The following PPARGC1B variants were observed in gnomAD, a reference collection of about 807,000 sequenced individuals.
PPARGC1B encodes peroxisome proliferator-activated receptor gamma coactivator 1-beta.
A neutral mutation model predicts 101.6 loss-of-function variants in PPARGC1B; 34 were observed. The ratio of observed to expected loss-of-function variants is 0.33; its 90% CI spans 0.25 to 0.45. The LOEUF (loss-of-function observed/expected upper bound fraction) is 0.45. Among genes scored for constraint, PPARGC1B ranks in the 20% least tolerant of loss-of-function variants. The pLI, the probability that PPARGC1B is intolerant of heterozygous loss-of-function variation, is 1.00. For synonymous variants in PPARGC1B, 548 were observed against 539.3 expected (o/e 1.02, Z -0.22); for missense variants, 1,234 against 1,317.6 (o/e 0.94, Z 0.98).
intron 3 of PPARGC1B, among the ~76,000 whole-genome samples, chr5:149,830,056 A>AAAAAAAAAAAAAAC (rs1758707514): frequency 3.4e-5 from 2 of 58,564 alleles, no homozygotes; most frequent in Non-Finnish European, 2.9e-5. Context: ...AAAAAAAAAG[A>AAAAAAAAAAAAAAC]AAAAAAAAAA....
rs951349599 is a variant in PPARGC1B, at chr5:149,748,772, G to A, written c.78+18352G>A. The stretch of plus-strand genomic sequence containing the variant: ...GAGGGGAGGCTCTGAGCTGACTGGA[G>A]GACTCCCCATGGGGGTGAGGAACAG... On this transcript the variant is annotated intron_variant, in intron 1 of 11. Coordinates refer to ENST00000309241, the MANE Select transcript of PPARGC1B (RefSeq NM_133263.4). 3.3e-5 allele frequency among the ~76,000 whole-genome samples: 5 copies of A among 152,188 alleles called. No homozygotes were observed. In the South Asian group the frequency reaches 6.2e-4, roughly 19 times the overall value.
chr5:149,730,484 A>G lies in PPARGC1B; in HGVS notation c.78+64A>G. The G allele has an allele frequency of 1.5e-6, 2 of 1,335,674 alleles. No homozygotes were observed. Among genetic ancestry groups the G allele is most frequent in the East Asian group, 3.0e-5 (1 of 32,948 alleles). 82.7% of individuals were successfully genotyped at this position (1,335,674 alleles called of 1,614,324 possible). On this transcript the variant is annotated intron_variant, in intron 1 of 11. Transcript: ENST00000309241. This position sits in a 1 kb window ranked among gnomAD's most constrained non-coding sequence, Gnocchi z 4.0. Reference sequence around the variant, plus strand: ...GCTGAGCTGCGGGGGCCGCAGCTGCAGCCGCGGAGGCCGGGAGGCAGCGGT... The same window carrying G: ...GCTGAGCTGCGGGGGCCGCAGCTGCGGCCGCGGAGGCCGGGAGGCAGCGGT...
At chr5:149,732,197 C>A (rs116551126) in intron 1 of PPARGC1B, among the ~76,000 whole-genome samples, 1,534 of 152,306 alleles carry the variant, frequency 0.01, 24 homozygotes, top group African/African-American at 0.036. Context: ...GAAGGCAGGT[C>A]CCAGCCTCAG....
At position 149,837,935 on chromosome 5, in the gene PPARGC1B, C is replaced by T. The variant is rs1483308748; in HGVS notation, c.2618+862C>T. Among the ~76,000 whole-genome samples the T allele has an allele frequency of 1.3e-5, 2 of 152,014 alleles. No individual in the cohort carries two copies. The highest frequency in any genetic ancestry group is 1.9e-4 in the East Asian group (1 of 5,178). The stretch of plus-strand genomic sequence containing the variant: ...ATTTGTTGCGCCTCCACTGGCCGGC[C>T]CACACCCGGGTGTCTGATCTGTAGG... On this transcript the variant is annotated intron_variant, in intron 8 of 11. Coordinates refer to ENST00000309241, the MANE Select transcript of PPARGC1B (RefSeq NM_133263.4). The surrounding 1 kb of genome is among the most constrained non-coding windows in gnomAD (Gnocchi z 4.2).
intron 1 of PPARGC1B, among the ~76,000 whole-genome samples, chr5:149,750,451 A>AAAAT (rs1164807430): frequency 1.4e-5 from 1 of 69,774 alleles, no homozygotes; most frequent in African/African-American, 5.2e-5. Context: ...TGTTTTAGTT[A>AAAAT]AAATATATAT....
At chr5:149,742,690 G>T (rs1263545470) in intron 1 of PPARGC1B, among the ~76,000 whole-genome samples, 2 of 152,188 alleles carry the variant, frequency 1.3e-5, no homozygotes, top group African/African-American at 4.8e-5. Context: ...CTACCGGTGA[G>T]GTTGGCAGTA....
At position 149,830,754 on chromosome 5, in the gene PPARGC1B, G is replaced by T. The variant is rs770423520; in HGVS notation, c.466-13G>T. On this transcript the variant is annotated splice_polypyrimidine_tract_variant and intron_variant, in intron 3 of 11. Transcript: ENST00000309241. ...CTCAGCCCCGGCTCCTGTCCTCTCTGCTTTTCCCTCAGCTGCAGAAGCTCC... is the reference window on the plus strand; with the variant it reads ...CTCAGCCCCGGCTCCTGTCCTCTCTTCTTTTCCCTCAGCTGCAGAAGCTCC... The T allele has an allele frequency of 1.2e-6, 2 of 1,604,516 alleles. No individual in the cohort carries two copies. The highest frequency in any genetic ancestry group is 2.2e-5 in the South Asian group (2 of 90,880).
At chr5:149,808,079 G>T (rs940376655) in intron 1 of PPARGC1B, among the ~76,000 whole-genome samples, 3 of 152,120 alleles carry the variant, frequency 2.0e-5, no homozygotes, top group Non-Finnish European at 4.4e-5. Context: ...ACAGCAACGG[G>T]GCCATGCGTA....
At position 149,845,872 on chromosome 5, in the gene PPARGC1B, G is replaced by T. The variant is rs754859721; in HGVS notation, c.2929G>T (p.Gly977Ter). The T allele has an allele frequency of 1.2e-6, 2 of 1,614,236 alleles. No homozygotes were observed. Among genetic ancestry groups the T allele is most frequent in the Non-Finnish European group, 1.7e-6 (2 of 1,180,046 alleles). Residue 977 changes from glycine (G) to a stop codon, truncating the protein, a stop_gained, in exon 11 of 12, where the codon GGA (glycine) becomes TGA (stop). Coordinates refer to ENST00000309241, the MANE Select transcript of PPARGC1B (RefSeq NM_133263.4). LOFTEE classifies it high-confidence loss of function. ...RNEPSFQLSY[G>*]GLRHFCWPRY... ...CGAGCCCTCCTTCCAGCTGAGCTAC[G>T]GAGGGCTCCGGCACTTCTGCTGGCC...
intron 1 of PPARGC1B, among the ~76,000 whole-genome samples, chr5:149,796,419 A>G (rs1757218867): frequency 6.6e-6 from 1 of 152,242 alleles, no homozygotes; most frequent in African/African-American, 2.4e-5. Context: ...CAAGGGCCTT[A>G]TAAGCCACAG....
At chr5:149,735,574 C>T (rs1754673835) in intron 1 of PPARGC1B, among the ~76,000 whole-genome samples, 1 of 152,220 alleles carries the variant, frequency 6.6e-6, no homozygotes, top group Non-Finnish European at 1.5e-5. Context: ...CTTCTGTTTG[C>T]ACTACTACAT....
chr5:149,831,539 G>T (rs901836790), intron 4 of PPARGC1B, among the ~76,000 whole-genome samples: 1 of 152,132 alleles, frequency 6.6e-6, no homozygotes, highest in African/African-American at 2.4e-5. Context: ...GCTTCTCTGG[G>T]GAATGAGTCC....
At chr5:149,803,552 C>T (rs1266088609) in intron 1 of PPARGC1B, among the ~76,000 whole-genome samples, 1 of 152,140 alleles carries the variant, frequency 6.6e-6, no homozygotes, top group Non-Finnish European at 1.5e-5. Flanking sequence ...CAAAACACCT[C>T]CTTGTTCTGT....
rs1351372912 is a variant in PPARGC1B, at chr5:149,837,076, A to G, written c.2618+3A>G. 12 of 1,609,466 alleles carry G rather than the reference A, an allele frequency of 7.5e-6. No homozygotes were observed. The highest frequency in any genetic ancestry group is 5.3e-5 in the African/African-American group (4 of 74,860). Reference sequence around the variant, plus strand: ...CCAGCCACTCGAAGGAACTTCAGGTATGAACAGGGGGCTGCAGGAGAGGCA... The same window carrying G: ...CCAGCCACTCGAAGGAACTTCAGGTGTGAACAGGGGGCTGCAGGAGAGGCA... On this transcript the variant is annotated splice_donor_region_variant and intron_variant, in intron 8 of 11. Transcript: ENST00000309241. This position sits in a 1 kb window ranked among gnomAD's most constrained non-coding sequence, Gnocchi z 4.2.
intron 1 of PPARGC1B, among the ~76,000 whole-genome samples, chr5:149,781,429 C>T (rs1756594238): frequency 6.6e-6 from 1 of 152,192 alleles, no homozygotes; most frequent in Admixed American, 6.5e-5. Flanking sequence ...TTAGCCTCCC[C>T]ATGCCTCAGT....
chr5:149,759,212 C>T (rs938372118), intron 1 of PPARGC1B, among the ~76,000 whole-genome samples: 12 of 152,016 alleles, frequency 7.9e-5, no homozygotes, highest in Non-Finnish European at 1.5e-4. Context: ...TTTCCATGGC[C>T]TTAAATTGGT....
intron 1 of PPARGC1B, among the ~76,000 whole-genome samples, chr5:149,762,380 C>G (rs529676193): frequency 1.3e-5 from 2 of 152,274 alleles, no homozygotes; most frequent in Non-Finnish European, 2.9e-5. Flanking sequence ...CTCCTGACCT[C>G]AAGTGATCCT....
At chr5:149,733,691 C>T (rs1754586430) in intron 1 of PPARGC1B, among the ~76,000 whole-genome samples, 1 of 151,972 alleles carries the variant, frequency 6.6e-6, no homozygotes. Context: ...AGCTGGGCAG[C>T]GAGTGTGGGA....
chr5:149,818,596 A>G (rs1308740025), intron 1 of PPARGC1B, among the ~76,000 whole-genome samples: 3 of 152,184 alleles, frequency 2.0e-5, no homozygotes, highest in Non-Finnish European at 2.9e-5. Flanking sequence ...AATAATATAC[A>G]TTTATTCATA....
Sources: allele counts gnomAD v4.1 joint callset (sites outside exome capture counted in the v4.1 genomes callset), GRCh38; gene constraint gnomAD v4.1.1; non-coding constraint Gnocchi (gnomAD v3.1); transcripts MANE v1.5; gene names NCBI Gene and HGNC (gene_info 2026-07-23, HGNC 2026-07-21).